Variants in SMARCB1 observed in about 807,000 individuals in gnomAD.
The protein encoded by SMARCB1 is SWI/SNF related BAF chromatin remodeling complex subunit B1, also known as SWI/SNF-related matrix-associated actin-dependent regulator of chromatin subfamily B member 1.
In SMARCB1, 5 loss-of-function variants were observed where a neutral mutation model predicts 49.0. The observed-to-expected ratio is 0.10, with a 90% CI of 0.05 to 0.21. The LOEUF (loss-of-function observed/expected upper bound fraction) is 0.21, where lower values mean the gene tolerates loss of function less well. SMARCB1 is among the 10% of genes least tolerant of loss of function. The pLI is 1.00. For synonymous variants in SMARCB1, 201 were observed against 200.1 expected (o/e 1.00, Z -0.04); for missense variants, 226 against 509.2 (o/e 0.44, Z 5.35).
intron 4 of SMARCB1, chr22:23,802,781 C>A: frequency 3.7e-6 from 1 of 273,446 alleles, no homozygotes; most frequent in Non-Finnish European, 7.2e-6. Flanking sequence ...TCCCTCAGGG[C>A]AGTGGCCAGT....
In SMARCB1 at chr22:23,834,737, C is replaced by A; in HGVS notation, c.*557C>A. 1 of 1,484,004 alleles carries A rather than the reference C, an allele frequency of 6.7e-7. No individual in the cohort carries two copies. Among genetic ancestry groups the A allele is most frequent in the South Asian group, 1.3e-5 (1 of 75,012 alleles). 91.9% of individuals were successfully genotyped at this position (1,484,004 alleles called of 1,614,324 possible). On this transcript the variant is annotated 3_prime_UTR_variant, in exon 9 of 9. Coordinates refer to ENST00000644036, the MANE Select transcript of SMARCB1 (RefSeq NM_003073.5). The stretch of plus-strand genomic sequence containing the variant: ...CCTCAGCCTGTTCTCCTTCCAGACC[C>A]AGAGAGCTGAGAAGAGTAGCTGTGA...
intron 3 of SMARCB1, among the ~76,000 whole-genome samples, chr22:23,795,585 G>A (rs1170375445): frequency 6.6e-6 from 1 of 151,992 alleles, no homozygotes; most frequent in Non-Finnish European, 1.5e-5. Flanking sequence ...GGACCCGGGA[G>A]GCGGAGGTTG....
chr22:23,828,804 T>C (rs2030512489), intron 7 of SMARCB1, among the ~76,000 whole-genome samples: 1 of 152,154 alleles, frequency 6.6e-6, no homozygotes, highest in Admixed American at 6.6e-5. Flanking sequence ...GGATCCATGG[T>C]ACAGTGGGGC....
In SMARCB1 at chr22:23,816,708, A is replaced by G. The variant is rs9608192; in HGVS notation, c.629-62A>G. ...GGCTTCAAAGAAGAAGGGGTGAGGG[A>G]GGCCGGTCCATGCCCAAGCATGGTG... On this transcript the variant is annotated intron_variant, in intron 5 of 8. Transcript: ENST00000644036. 167,219 of 1,483,064 alleles carry G rather than the reference A, an allele frequency of 0.11. 10,134 individuals carry two copies. The highest frequency in any genetic ancestry group is 0.18 in the South Asian group (15,531 of 88,626). The allele number at this position is 1,483,064 out of a possible 1,614,324, so 91.9% of individuals were successfully genotyped here.
At position 23,835,849 on chromosome 22, in the gene SMARCB1, G is replaced by A. The variant is rs560824794; in HGVS notation, c.*1669G>A. The stretch of plus-strand genomic sequence containing the variant: ...CAGGGCCACCTGGCTGGGAGGTGCC[G>A]GGAAGGCTGGGCCCTCACTCCTGAC... On this transcript the variant is annotated 3_prime_UTR_variant, in exon 9 of 9. Transcript: ENST00000644036. 23 of 982,634 alleles carry A rather than the reference G, an allele frequency of 2.3e-5. No homozygotes were observed. In the South Asian group the frequency reaches 6.7e-4, roughly 29 times the overall value. 60.9% of individuals were successfully genotyped at this position (982,634 alleles called of 1,614,324 possible).
intron 7 of SMARCB1, among the ~76,000 whole-genome samples, chr22:23,832,640 C>CA (rs2030713386): frequency 6.6e-6 from 1 of 152,170 alleles, no homozygotes; most frequent in African/African-American, 2.4e-5. Flanking sequence ...GAAACACTGT[C>CA]AGCACCCAAA....
chr22:23,835,134 G>C lies in SMARCB1; in HGVS notation c.*954G>C. The C allele has an allele frequency of 7.3e-7, 1 of 1,367,916 alleles. No individual in the cohort carries two copies. The highest frequency in any genetic ancestry group is 9.4e-7 in the Non-Finnish European group (1 of 1,063,502). 84.7% of individuals were successfully genotyped at this position (1,367,916 alleles called of 1,614,324 possible). On this transcript the variant is annotated 3_prime_UTR_variant, in exon 9 of 9. Transcript: ENST00000644036. Reference sequence around the variant, plus strand: ...GAATAGCCCTCCCGGCCTGGTGCCAGCTCTTGGAGTTGACACGGTACAGGG... The same window carrying C: ...GAATAGCCCTCCCGGCCTGGTGCCACCTCTTGGAGTTGACACGGTACAGGG...
chr22:23,814,679 C>T (rs1237726946), intron 5 of SMARCB1, among the ~76,000 whole-genome samples: 1 of 142,602 alleles, frequency 7.0e-6, no homozygotes, highest in Non-Finnish European at 1.5e-5. Context: ...AAAGCAACAA[C>T]AACAAAAAAG....
intron 5 of SMARCB1, among the ~76,000 whole-genome samples, chr22:23,814,533 C>T (rs1001995488): frequency 2.0e-5 from 3 of 151,734 alleles, no homozygotes; most frequent in Admixed American, 6.6e-5. Flanking sequence ...GGCGTGGTGG[C>T]GCATGCCTGT....
intron 6 of SMARCB1, chr22:23,818,668 C>T (rs1169038497): frequency 7.1e-6 from 1 of 140,104 alleles, no homozygotes; most frequent in Non-Finnish European, 1.5e-5. Context: ...CCCCCCACCC[C>T]TGGCAAGCAC....
chr22:23,806,334 C>G (rs952626454), intron 5 of SMARCB1, among the ~76,000 whole-genome samples: 3 of 152,078 alleles, frequency 2.0e-5, no homozygotes, highest in African/African-American at 7.2e-5. Context: ...CCTAGGAGTT[C>G]TAATGTAAAA....
chr22:23,808,695 A>G (rs1310459419), intron 5 of SMARCB1, among the ~76,000 whole-genome samples: 1 of 148,210 alleles, frequency 6.7e-6, no homozygotes, highest in Non-Finnish European at 1.5e-5. Flanking sequence ...GATATTGGAC[A>G]TTCTTTTTTT....
intron 6 of SMARCB1, among the ~76,000 whole-genome samples, chr22:23,820,814 G>A (rs9608195): frequency 0.12 from 18,831 of 152,114 alleles, 1,258 homozygotes; most frequent in South Asian, 0.27. Flanking sequence ...TCCTGCATAC[G>A]GTCTGCTGGC....
intron 6 of SMARCB1, among the ~76,000 whole-genome samples, chr22:23,822,646 C>T (rs1455685800): frequency 1.3e-5 from 2 of 152,198 alleles, no homozygotes; most frequent in Non-Finnish European, 2.9e-5. Flanking sequence ...AGTCCCTCGC[C>T]ACCCTCATCT....
intron 5 of SMARCB1, among the ~76,000 whole-genome samples, chr22:23,808,438 A>G (rs892332653): frequency 2.0e-5 from 3 of 146,474 alleles, no homozygotes; most frequent in East Asian, 2.0e-4. Context: ...TGTATTTTTT[A>G]GTAGAGACGG....
At chr22:23,787,483 T>C (rs1351327558) in intron 1 of SMARCB1, among the ~76,000 whole-genome samples, 1 of 152,162 alleles carries the variant, frequency 6.6e-6, no homozygotes, top group Non-Finnish European at 1.5e-5. Flanking sequence ...TCCGCCGCCT[T>C]CAGTGCTGCC....
intron 5 of SMARCB1, among the ~76,000 whole-genome samples, chr22:23,813,732 G>A (rs1277608588): frequency 6.6e-6 from 1 of 152,166 alleles, no homozygotes; most frequent in African/African-American, 2.4e-5. Flanking sequence ...TGCAATTTCT[G>A]TGAAAATCCC....
rs575751124 is a variant in SMARCB1, at chr22:23,801,717, T to C, written c.500+636T>C. The C allele has an allele frequency of 3.1e-4, 83 of 263,580 alleles. No homozygotes were observed. In the South Asian group the frequency reaches 3.6e-3, roughly 11 times the overall value. 16.3% of individuals were successfully genotyped at this position (263,580 alleles called of 1,614,324 possible). The stretch of plus-strand genomic sequence containing the variant: ...TCTCTCTTAGAAGGACACTTGGCGA[T>C]GTAATTTAGGGCCCTTCTGGTTAAT... On this transcript the variant is annotated intron_variant, in intron 4 of 8. Transcript: ENST00000644036.
chr22:23,795,378 G>A (rs35487027), intron 3 of SMARCB1, among the ~76,000 whole-genome samples: 4 of 152,174 alleles, frequency 2.6e-5, no homozygotes, highest in Admixed American at 1.3e-4. Flanking sequence ...AAAACAGGCC[G>A]GGCACGGTGG....
Sources: gnomAD v4.1 joint callset for allele counts (sites outside exome capture counted in the v4.1 genomes callset) on GRCh38, gnomAD v4.1.1 for gene constraint, MANE v1.5 for transcripts, NCBI Gene and HGNC (gene_info 2026-07-23, HGNC 2026-07-21) for gene names.